The following EP300 variants were observed in gnomAD, a reference collection of about 807,000 sequenced individuals.
EP300 encodes the protein histone acetyltransferase p300.
Under a neutral mutation model 264.0 loss-of-function variants are expected in EP300, and 31 were observed. The ratio of observed to expected loss-of-function variants is 0.12; its 90% CI spans 0.09 to 0.16. EP300 has a LOEUF of 0.16. EP300 is among the 10% of genes least tolerant of loss of function. EP300 has a pLI of 1.00. For missense variants in EP300, 2,766 were observed against 3,052.9 expected, an observed-to-expected ratio of 0.91 and a Z score of 2.21; for synonymous variants, 1,340 against 1,045.4, an observed-to-expected ratio of 1.28 and a Z score of -5.44.
intron 10 of EP300, among the ~76,000 whole-genome samples, chr22:41,143,806 C>T (rs1160502585): frequency 6.6e-6 from 1 of 152,132 alleles, no homozygotes; most frequent in Non-Finnish European, 1.5e-5. Flanking sequence ...CTCGAACTCC[C>T]GGCCTCAAGT....
In EP300 at chr22:41,146,733, C is replaced by T; in HGVS notation, c.2054-6C>T. On this transcript the variant is annotated splice_polypyrimidine_tract_variant and splice_region_variant and intron_variant, in intron 10 of 30. Coordinates refer to ENST00000263253, the MANE Select transcript of EP300 (RefSeq NM_001429.4). Reference sequence around the variant, plus strand: ...CAAAGATACTTATTTCTCTTTTTTACTCTAGATGGCCCTCTACCTGACCCA... The same window carrying T: ...CAAAGATACTTATTTCTCTTTTTTATTCTAGATGGCCCTCTACCTGACCCA... 1 of 1,613,854 alleles carries T rather than the reference C, an allele frequency of 6.2e-7. No individual in the cohort carries two copies. Among genetic ancestry groups the T allele is most frequent in the Non-Finnish European group, 8.5e-7 (1 of 1,179,818 alleles).
chr22:41,151,238 G>A (rs889613228), intron 14 of EP300, among the ~76,000 whole-genome samples: 1 of 152,114 alleles, frequency 6.6e-6, no homozygotes, highest in African/African-American at 2.4e-5. Flanking sequence ...GACAAGGAAG[G>A]ACAGAATGAG....
In EP300 at chr22:41,170,588, G is replaced by C. The variant is rs2145767017; in HGVS notation, c.4452+17G>C. Reference sequence around the variant, plus strand: ...GACTACAAGGTCAGTTGGGACATAGGGGCCAGGTGCTGACAATAGATCTGG... The same window carrying C: ...GACTACAAGGTCAGTTGGGACATAGCGGCCAGGTGCTGACAATAGATCTGG... On this transcript the variant is annotated intron_variant, in intron 27 of 30. Transcript: ENST00000263253. 6.2e-7 allele frequency: 1 copy of C among 1,613,402 alleles called. No individual in the cohort carries two copies. The highest frequency in any genetic ancestry group is 8.5e-7 in the Non-Finnish European group (1 of 1,179,512).
chr22:41,096,778 C>T (rs1409729601), intron 1 of EP300, among the ~76,000 whole-genome samples: 1 of 151,954 alleles, frequency 6.6e-6, no homozygotes, highest in African/African-American at 2.4e-5. Flanking sequence ...CAACCATGCC[C>T]AGCTAAGTTT....
intron 21 of EP300, 77 bp downstream of exon 21, chr22:41,162,856 CCAAT>C: frequency 8.3e-7 from 1 of 1,199,250 alleles, no homozygotes; most frequent in South Asian, 1.2e-5. Flanking sequence ...GTTTGCATGA[CCAAT>C]CAGATGATCC....
intron 2 of EP300, among the ~76,000 whole-genome samples, chr22:41,119,336 G>A (rs9623328): frequency 6.6e-6 from 1 of 151,698 alleles, no homozygotes. Flanking sequence ...GACACTTTTA[G>A]ATTGCCGTGT....
At chr22:41,146,470 A>G (rs2059011299) in intron 10 of EP300, 3 of 445,476 alleles carry the variant, frequency 6.7e-6, no homozygotes, top group Non-Finnish European at 1.2e-5. Flanking sequence ...CCTGGCCTAT[A>G]ATGGCTTCAA....
chr22:41,165,272 C>A (rs2059127912), intron 22 of EP300, among the ~76,000 whole-genome samples: 1 of 152,086 alleles, frequency 6.6e-6, no homozygotes, highest in African/African-American at 2.4e-5. Flanking sequence ...CTGTGTTAAG[C>A]TTGCTTTTTC....
chr22:41,170,845 A>G (rs1489073076), intron 27 of EP300, among the ~76,000 whole-genome samples: 1 of 151,010 alleles, frequency 6.6e-6, no homozygotes, highest in Non-Finnish European at 1.5e-5. Flanking sequence ...TTGTATTTTT[A>G]GTAGAGACGG....
rs2058678888 is a variant in EP300, at chr22:41,092,666, A to T, written c.-339A>T. 6.3e-6 allele frequency: 4 copies of T among 630,208 alleles called. No individual in the cohort carries two copies. Among genetic ancestry groups the T allele is most frequent in the East Asian group, 2.7e-5 (1 of 36,974 alleles). The allele number at this position is 630,208 out of a possible 1,614,324, so 39.0% of individuals were successfully genotyped here. Reference sequence around the variant, plus strand: ...GAGCTCCGAGAGACCTCGGCTGGGCAGGGGCCGGCCGTGGCGGGCCGGGGA... The same window carrying T: ...GAGCTCCGAGAGACCTCGGCTGGGCTGGGGCCGGCCGTGGCGGGCCGGGGA... On this transcript the variant is annotated 5_prime_UTR_variant, in exon 1 of 31. Transcript: ENST00000263253.
intron 14 of EP300, 54 bp downstream of exon 14, chr22:41,150,252 T>G (rs1206704286): frequency 2.9e-5 from 44 of 1,524,456 alleles, no homozygotes; most frequent in Non-Finnish European, 3.8e-5. Flanking sequence ...TGTAGTATTA[T>G]ATTACTTCTG....
intron 9 of EP300, 53 bp from the exon 10 acceptor site, chr22:41,140,995 G>A (rs2058979015): frequency 1.3e-6 from 2 of 1,536,814 alleles, no homozygotes; most frequent in Admixed American, 3.5e-5. Context: ...CTGTTACCTG[G>A]TGGTAGTTCC....
intron 27 of EP300, among the ~76,000 whole-genome samples, chr22:41,170,829 AT>A (rs2059165953): frequency 6.6e-6 from 1 of 150,852 alleles, no homozygotes; most frequent in Non-Finnish European, 1.5e-5. Flanking sequence ...ACCCGGCTAA[AT>A]TTTTTTGTAT....
At chr22:41,104,495 G>T (rs2058747724) in intron 1 of EP300, among the ~76,000 whole-genome samples, 1 of 151,862 alleles carries the variant, frequency 6.6e-6, no homozygotes. Context: ...TTGCCATGTT[G>T]GCCAGGCTGA....
intron 6 of EP300, among the ~76,000 whole-genome samples, chr22:41,133,179 CAG>C (rs1320869841): frequency 2.9e-5 from 4 of 137,786 alleles, no homozygotes; most frequent in Admixed American, 7.6e-5. Context: ...ACCCCGGAAA[CAG>C]AGTCTCGCTG....
rs555244515 is a variant in EP300, at chr22:41,120,711, A to G, written c.729+2890A>G. 2.0e-5 allele frequency among the ~76,000 whole-genome samples: 3 copies of G among 152,186 alleles called. No individual in the cohort carries two copies. The South Asian group carries it at 6.2e-4, about 32-fold the overall frequency. Reference sequence around the variant, plus strand: ...TTCAGCATAAACTAATCAAAGCCAGAATGTTTTAAGTTACTTTTGTTTTTG... The same window carrying G: ...TTCAGCATAAACTAATCAAAGCCAGGATGTTTTAAGTTACTTTTGTTTTTG... On this transcript the variant is annotated intron_variant, in intron 2 of 30. Transcript: ENST00000263253.
At chr22:41,106,530 C>T (rs2058758915) in intron 1 of EP300, among the ~76,000 whole-genome samples, 1 of 152,142 alleles carries the variant, frequency 6.6e-6, no homozygotes, top group Admixed American at 6.5e-5. Flanking sequence ...TAGGTTGTTC[C>T]ACTCTTCATC....
intron 6 of EP300, among the ~76,000 whole-genome samples, chr22:41,134,634 A>T (rs1256093885): frequency 6.6e-6 from 1 of 152,012 alleles, no homozygotes; most frequent in African/African-American, 2.4e-5. Flanking sequence ...AGCTCAAGTG[A>T]TCGCCTGCCT....
At chr22:41,101,547 G>C (rs892108578) in intron 1 of EP300, among the ~76,000 whole-genome samples, 1 of 151,796 alleles carries the variant, frequency 6.6e-6, no homozygotes, top group Non-Finnish European at 1.5e-5. Context: ...TAGTGGCTGG[G>C]ACTACAGGCA....
Sources: gnomAD v4.1 joint callset for allele counts (sites outside exome capture counted in the v4.1 genomes callset) on GRCh38, gnomAD v4.1.1 for gene constraint, MANE v1.5 for transcripts, NCBI Gene and HGNC (gene_info 2026-07-23, HGNC 2026-07-21) for gene names.